Variants in CDCA2 observed in about 807,000 individuals in gnomAD.
The protein encoded by CDCA2 is cell division cycle associated 2.
CDCA2 carries 44 observed loss-of-function variants against 67.0 expected under a neutral mutation model. The ratio of observed to expected loss-of-function variants is 0.66; its 90% CI spans 0.52 to 0.84. The LOEUF is 0.84. CDCA2 is among the 40% of genes least tolerant of loss of function. The pLI, the probability that CDCA2 is intolerant of heterozygous loss-of-function variation, is 0.00. For synonymous variants in CDCA2, 447 were observed against 418.7 expected (o/e 1.07, Z -0.82); for missense variants, 1,253 against 1,203.2 (o/e 1.04, Z -0.61).
chr8:25,485,238 A>G (rs1803728113), intron 10 of CDCA2, among the ~76,000 whole-genome samples: 1 of 150,882 alleles, frequency 6.6e-6, no homozygotes, highest in South Asian at 2.1e-4. Context: ...AAAATATAGT[A>G]TCCACTTCTC....
chr8:25,486,387 C>T (rs1300460607), intron 11 of CDCA2, among the ~76,000 whole-genome samples: 1 of 152,178 alleles, frequency 6.6e-6, no homozygotes, highest in Non-Finnish European at 1.5e-5. Flanking sequence ...TTCTTGTTGA[C>T]ACAAACCAAA....
At chr8:25,468,560 T>TGTGC (rs1269739078) in intron 6 of CDCA2, 147 bp downstream of exon 6, 73 of 429,260 alleles carry the variant, frequency 1.7e-4, no homozygotes, top group East Asian at 4.2e-4. Context: ...TGTGTGTGCG[T>TGTGC]GTGTGTGTGT....
At chr8:25,475,438 G>A (rs902691513) in intron 7 of CDCA2, among the ~76,000 whole-genome samples, 2 of 152,186 alleles carry the variant, frequency 1.3e-5, no homozygotes, top group African/African-American at 4.8e-5. Flanking sequence ...AGAATTGCTT[G>A]AACCCAGGAG....
chr8:25,460,359 C>A (rs1586454021), intron 2 of CDCA2, 25 bp from the exon 3 acceptor site: 2 of 1,614,134 alleles, frequency 1.2e-6, no homozygotes, highest in African/African-American at 1.3e-5. Flanking sequence ...TTGTCCTCAC[C>A]CCTACAATAT....
chr8:25,502,346 CTT>C (rs149584496), intron 13 of CDCA2, among the ~76,000 whole-genome samples: 7,915 of 152,052 alleles, frequency 0.052, 693 homozygotes, highest in African/African-American at 0.18. Context: ...CCATATGAAA[CTT>C]TTTTAAAAAC....
intron 8 of CDCA2, 57 bp from the exon 9 acceptor site, chr8:25,483,339 AATG>A: frequency 1.8e-6 from 2 of 1,100,328 alleles, no homozygotes; most frequent in Non-Finnish European, 2.6e-6. Flanking sequence ...TGCTGTTCTT[AATG>A]ATGACGTCTA....
rs34849682 is a variant in CDCA2 at position 25,499,294 on chromosome 8, A to AT, written c.1672-4051dup. On this transcript the variant is annotated intron_variant, in intron 13 of 14. Transcript: ENST00000330560. ...GTGTGATTTGTTGCCATGTCCATGA[A>AT]TTTTTTTTTTTTTTTTTTTTTTTTT... 6.7e-3 allele frequency among the ~76,000 whole-genome samples: 559 copies of AT among 83,228 alleles called. 18 individuals carry two copies. The highest frequency in any genetic ancestry group is 0.012 in the East Asian group (35 of 2,920). The allele number at this position is 83,228 out of a possible 152,430, so 54.6% of individuals were successfully genotyped here. A position where few individuals can be genotyped will look rare whatever the true frequency, so the allele number is the denominator to read the frequency against.
At chr8:25,503,608 T>C in intron 14 of CDCA2, 64 bp downstream of exon 14, 1 of 1,511,106 alleles carries the variant, frequency 6.6e-7, no homozygotes, top group Non-Finnish European at 8.9e-7. Context: ...TGTTGCTATT[T>C]TACTTTTTTC....
intron 4 of CDCA2, among the ~76,000 whole-genome samples, chr8:25,464,256 A>C (rs1802813596): frequency 1.3e-5 from 2 of 152,068 alleles, no homozygotes; most frequent in African/African-American, 4.8e-5. Flanking sequence ...TCTACAGAAA[A>C]ATTTTAAAAA....
chr8:25,507,170 G>T lies in CDCA2; in HGVS notation c.2504G>T (p.Cys835Phe). ...RDRKDRRRSM[C>F]YSDGRSLHLE... is the part of the protein sequence containing the mutation. The stretch of plus-strand genomic sequence containing the variant: ...AGGAAAGATAGAAGACGTTCCATGT[G>T]TTATTCTGATGGTCGAAGTTTACAT... The change falls in exon 15 of 15, where the codon TGT (cysteine) becomes TTT (phenylalanine). Residue 835 changes from cysteine (C) to phenylalanine (F), a missense_variant. Cys to Phe is a radical substitution (Grantham distance 205). Transcript: ENST00000330560. 6.2e-7 allele frequency: 1 copy of T among 1,614,168 alleles called. No homozygotes were observed.
At chr8:25,486,173 A>G (rs551561952) in intron 11 of CDCA2, among the ~76,000 whole-genome samples, 2 of 152,232 alleles carry the variant, frequency 1.3e-5, no homozygotes, top group Admixed American at 1.3e-4. Flanking sequence ...TGTAAGGATC[A>G]TTCTTAAATA....
chr8:25,468,037 G>C (rs1301511451), intron 5 of CDCA2, among the ~76,000 whole-genome samples, 180 bp from the exon 6 acceptor site: 4 of 140,986 alleles, frequency 2.8e-5, no homozygotes, highest in Non-Finnish European at 6.0e-5. Context: ...AGTATCACTT[G>C]AGCCCAGAAG....
At chr8:25,475,323 A>G (rs552193172) in intron 7 of CDCA2, among the ~76,000 whole-genome samples, 51 of 152,268 alleles carry the variant, frequency 3.3e-4, no homozygotes, top group African/African-American at 1.1e-3. Flanking sequence ...GTTCTAGACC[A>G]GCCTGACCAA....
chr8:25,479,187 G>A (rs1586489823), intron 7 of CDCA2, among the ~76,000 whole-genome samples: 1 of 152,100 alleles, frequency 6.6e-6, no homozygotes, highest in South Asian at 2.1e-4. Context: ...CCAAGCCACA[G>A]CATGGTTCTG....
intron 10 of CDCA2, among the ~76,000 whole-genome samples, chr8:25,485,494 G>A (rs981654836): frequency 2.0e-5 from 3 of 152,074 alleles, no homozygotes; most frequent in African/African-American, 4.8e-5. Context: ...ATCATTATGT[G>A]TACTTTCGCT....
chr8:25,479,344 G>A (rs1224286911), intron 7 of CDCA2, among the ~76,000 whole-genome samples: 1 of 152,126 alleles, frequency 6.6e-6, no homozygotes, highest in Non-Finnish European at 1.5e-5. Context: ...AGGAGTGCCT[G>A]TCACATCATG....
chr8:25,462,242 C>G (rs769968825), intron 4 of CDCA2, 34 bp downstream of exon 4: 1 of 1,604,404 alleles, frequency 6.2e-7, no homozygotes, highest in Non-Finnish European at 8.5e-7. Flanking sequence ...TCGTGAATTC[C>G]GTTAATGAAG....
intron 7 of CDCA2, among the ~76,000 whole-genome samples, chr8:25,479,134 C>T (rs997762363): frequency 8.5e-5 from 13 of 152,050 alleles, no homozygotes; most frequent in East Asian, 3.9e-4. Context: ...ATGTTTAGTC[C>T]GTGTGGTTTT....
intron 13 of CDCA2, among the ~76,000 whole-genome samples, chr8:25,492,015 C>T (rs2321250): frequency 0.57 from 83,277 of 146,322 alleles, 24,644 homozygotes; most frequent in Middle Eastern, 0.67. Context: ...CCAGGCTGGT[C>T]TCAAACTCCT....
Sources: gnomAD v4.1 joint callset for allele counts (sites outside exome capture counted in the v4.1 genomes callset) on GRCh38, gnomAD v4.1.1 for gene constraint, MANE v1.5 for transcripts, NCBI Gene and HGNC (gene_info 2026-07-23, HGNC 2026-07-21) for gene names.